Variants in SLC22A24 observed in about 807,000 individuals in gnomAD.
SLC22A24 encodes the protein solute carrier family 22 member 24, also known as steroid transmembrane transporter SLC22A24.
In SLC22A24, 53 loss-of-function variants were observed where a neutral mutation model predicts 49.8. The ratio of observed to expected loss-of-function variants is 1.06; its 90% CI spans 0.85 to 1.34. The LOEUF is 1.34. Among genes scored for constraint, SLC22A24 ranks in the 40% most tolerant of loss-of-function variants. The pLI is 0.00. For missense variants in SLC22A24, 786 were observed against 675.9 expected, an observed-to-expected ratio of 1.16 and a Z score of -1.81; for synonymous variants, 302 against 256.4, an observed-to-expected ratio of 1.18 and a Z score of -1.70.
chr11:63,083,775 A>G (rs1384762992), intron 6 of SLC22A24, among the ~76,000 whole-genome samples: 1 of 152,240 alleles, frequency 6.6e-6, no homozygotes, highest in Non-Finnish European at 1.5e-5. Flanking sequence ...CTACCCATGT[A>G]GAAAAAGTAA....
At chr11:63,080,424 C>T (rs1010966560) in intron 9 of SLC22A24, among the ~76,000 whole-genome samples, 9 of 150,802 alleles carry the variant, frequency 6.0e-5, no homozygotes, top group South Asian at 2.1e-4. Context: ...TCAGATACAT[C>T]GTTATTTTTG....
intron 4 of SLC22A24, among the ~76,000 whole-genome samples, chr11:63,111,197 G>A (rs913339439): frequency 6.6e-6 from 1 of 151,952 alleles, no homozygotes; most frequent in Non-Finnish European, 1.5e-5. Context: ...CAGGGATGAA[G>A]CCCACTTGAT....
In SLC22A24 at chr11:63,118,929, G is replaced by A. The variant is rs747988418; in HGVS notation, c.813C>T (p.Val271=). Residue 271 remains valine, a synonymous_variant, in exon 4 of 10, where the codon GTC becomes GTT. Coordinates refer to ENST00000612278, the MANE Select transcript of SLC22A24 (RefSeq NM_001136506.2). ...GTTCATACCAAGAGGACAAGAAGAG[G>A]ACAATTATGGGTGTAGACACAGTCA... The part of the protein sequence containing the change: ...LQLTVSTPII[V]LFLSSWKMVE... 23 of 1,551,942 alleles carry A rather than the reference G, an allele frequency of 1.5e-5. No homozygotes were observed. The highest frequency in any genetic ancestry group is 3.6e-5 in the South Asian group (3 of 84,060).
chr11:63,135,720 C>A (rs1404010613), intron 1 of SLC22A24, among the ~76,000 whole-genome samples: 4 of 152,132 alleles, frequency 2.6e-5, no homozygotes, highest in African/African-American at 9.7e-5. Context: ...AGACAAAAAG[C>A]AAAACCGAGT....
intron 4 of SLC22A24, among the ~76,000 whole-genome samples, chr11:63,110,230 A>G (rs966482714): frequency 3.9e-5 from 6 of 151,962 alleles, no homozygotes; most frequent in African/African-American, 1.5e-4. Flanking sequence ...TACCAGTACC[A>G]TGCTGTTTTG....
At chr11:63,109,849 T>A (rs2087149367) in intron 4 of SLC22A24, among the ~76,000 whole-genome samples, 1 of 150,948 alleles carries the variant, frequency 6.6e-6, no homozygotes, top group Non-Finnish European at 1.5e-5. Flanking sequence ...CTCTTTAGTT[T>A]AATTAGATCC....
At chr11:63,098,520 T>C (rs1355594175) in intron 5 of SLC22A24, among the ~76,000 whole-genome samples, 1 of 151,894 alleles carries the variant, frequency 6.6e-6, no homozygotes, top group Non-Finnish European at 1.5e-5. Flanking sequence ...ATGCAAAAAT[T>C]AGCCAGGCAT....
chr11:63,111,888 C>G (rs569814271), intron 4 of SLC22A24, among the ~76,000 whole-genome samples: 1 of 151,962 alleles, frequency 6.6e-6, no homozygotes, highest in Middle Eastern at 3.4e-3. Context: ...TTGCCTTCTG[C>G]TAGCTTTTGA....
intron 5 of SLC22A24, among the ~76,000 whole-genome samples, chr11:63,102,383 C>T (rs1270699835): frequency 6.6e-6 from 1 of 151,958 alleles, no homozygotes; most frequent in Non-Finnish European, 1.5e-5. Flanking sequence ...AAAAATATGT[C>T]TCTCAATAAA....
chr11:63,104,868 G>C (rs2087110916), intron 4 of SLC22A24, among the ~76,000 whole-genome samples: 1 of 152,098 alleles, frequency 6.6e-6, no homozygotes, highest in African/African-American at 2.4e-5. Context: ...GTCCCCCAAA[G>C]TCTTAATTTT....
chr11:63,106,713 T>G (rs574226651), intron 4 of SLC22A24, among the ~76,000 whole-genome samples: 78 of 152,226 alleles, frequency 5.1e-4, no homozygotes, highest in East Asian at 1.9e-3. Context: ...GTTTTTTGAC[T>G]GCATAAATGT....
Position 63,119,000 on chromosome 11 carries a change from G to A in SLC22A24, c.742C>T (p.Leu248=), listed in dbSNP as rs369426188. 2 of 1,551,686 alleles carry A rather than the reference G, an allele frequency of 1.3e-6. No homozygotes were observed. The highest frequency in any genetic ancestry group is 8.7e-7 in the Non-Finnish European group (1 of 1,146,942). Residue 248 remains leucine, a synonymous_variant, in exon 4 of 10, where the codon CTA becomes TTA. Coordinates refer to ENST00000612278, the MANE Select transcript of SLC22A24 (RefSeq NM_001136506.2). The stretch of plus-strand genomic sequence containing the variant: ...TGAATGGCAAAAGCCAGCCCTCCTA[G>A]GAGCATCTGCCCAACACTGTAGGAA... ...LCSYSVGQML[L]GGLAFAIQDW... is the part of the protein sequence containing the mutation.
intron 2 of SLC22A24, among the ~76,000 whole-genome samples, chr11:63,125,531 C>T (rs1429946788): frequency 6.6e-6 from 1 of 152,174 alleles, no homozygotes; most frequent in African/African-American, 2.4e-5. Flanking sequence ...TGTATATGTG[C>T]TACATTTTCT....
intron 5 of SLC22A24, among the ~76,000 whole-genome samples, chr11:63,103,782 A>G (rs1248946210): frequency 1.3e-5 from 2 of 152,208 alleles, no homozygotes; most frequent in African/African-American, 2.4e-5. Context: ...GAATAAATAC[A>G]TAAAGGGTCA....
chr11:63,103,447 C>T (rs2087102835), intron 5 of SLC22A24, among the ~76,000 whole-genome samples: 1 of 152,008 alleles, frequency 6.6e-6, no homozygotes, highest in East Asian at 1.9e-4. Flanking sequence ...AATTTAAGTT[C>T]TTTGAGGTCA....
intron 6 of SLC22A24, among the ~76,000 whole-genome samples, chr11:63,085,949 T>C (rs537981921): frequency 1.3e-3 from 192 of 152,312 alleles, no homozygotes; most frequent in African/African-American, 4.4e-3. Context: ...GTTGTCACTC[T>C]CCTAATCCAT....
At chr11:63,140,417 G>A (rs1356243085) in intron 1 of SLC22A24, among the ~76,000 whole-genome samples, 1 of 152,110 alleles carries the variant, frequency 6.6e-6, no homozygotes, top group Non-Finnish European at 1.5e-5. Context: ...AAAACAAAGT[G>A]TCTTGAAAAT....
intron 1 of SLC22A24, among the ~76,000 whole-genome samples, chr11:63,142,020 G>T (rs1041234565): frequency 1.3e-5 from 2 of 151,986 alleles, no homozygotes; most frequent in African/African-American, 2.4e-5. Flanking sequence ...CCAGACAAAT[G>T]CTTTCCAATC....
chr11:63,120,681 TAAATTCTC>T (rs1270613496), intron 2 of SLC22A24, among the ~76,000 whole-genome samples: 7 of 152,246 alleles, frequency 4.6e-5, no homozygotes, highest in Admixed American at 3.9e-4. Flanking sequence ...GAGTTGATAC[TAAATTCTC>T]AGTAGTATTA....
Sources: allele counts gnomAD v4.1 joint callset (sites outside exome capture counted in the v4.1 genomes callset), GRCh38; gene constraint gnomAD v4.1.1; transcripts MANE v1.5; gene names NCBI Gene and HGNC (gene_info 2026-07-23, HGNC 2026-07-21).